PNPLA7: variants seen among roughly 807,000 people sequenced by gnomAD.
PNPLA7 encodes the protein patatin-like phospholipase domain-containing protein 7.
Under a neutral mutation model 161.7 loss-of-function variants are expected in PNPLA7, and 153 were observed. That is an observed-to-expected ratio of 0.95 (90% CI 0.83 to 1.08). The LOEUF (loss-of-function observed/expected upper bound fraction) is 1.08. PNPLA7 is among the 50% of genes least tolerant of loss of function. The pLI is 0.00. For synonymous variants in PNPLA7, 809 were observed against 782.1 expected (o/e 1.03, Z -0.57); for missense variants, 1,739 against 1,856.6 (o/e 0.94, Z 1.16).
intron 15 of PNPLA7, 132 bp from the exon 16 acceptor site, chr9:137,501,028 TGGA>T: frequency 1.4e-6 from 1 of 690,242 alleles, no homozygotes; most frequent in Non-Finnish European, 2.4e-6. Flanking sequence ...GCTCTGGGCA[TGGA>T]CTTCACTGGA....
intron 17 of PNPLA7, among the ~76,000 whole-genome samples, chr9:137,497,877 G>A (rs955486398): frequency 1.3e-5 from 2 of 152,260 alleles, no homozygotes; most frequent in African/African-American, 4.8e-5. Context: ...ATGACACGGA[G>A]AGATGCTCAT....
intron 8 of PNPLA7, among the ~76,000 whole-genome samples, chr9:137,525,925 C>T (rs1340322398): frequency 1.3e-5 from 2 of 149,208 alleles, no homozygotes; most frequent in African/African-American, 2.5e-5. Context: ...AGAAGGCTCA[C>T]ACTTGTCTTT....
At chr9:137,495,000 T>A in intron 19 of PNPLA7, 33 bp downstream of exon 19, 11 of 1,563,414 alleles carry the variant, frequency 7.0e-6, no homozygotes, top group Non-Finnish European at 9.6e-6. Context: ...CACACCCTCA[T>A]CCGCTCCGCA....
At chr9:137,501,839 G>T in intron 14 of PNPLA7, 112 bp from the exon 15 acceptor site, 1 of 1,092,064 alleles carries the variant, frequency 9.2e-7, no homozygotes, top group Non-Finnish European at 1.3e-6. Flanking sequence ...GCCAGAGGCC[G>T]GGCAAGGCCC....
At chr9:137,477,674 A>C (rs1048227349) in intron 25 of PNPLA7, among the ~76,000 whole-genome samples, 4 of 152,042 alleles carry the variant, frequency 2.6e-5, no homozygotes, top group African/African-American at 9.7e-5. Context: ...CAATCTCTTG[A>C]CCTCGTGATC....
intron 8 of PNPLA7, among the ~76,000 whole-genome samples, chr9:137,538,962 G>A (rs1289161643): frequency 6.6e-6 from 1 of 152,168 alleles, no homozygotes; most frequent in Non-Finnish European, 1.5e-5. Context: ...TGAGGCAGGA[G>A]AATTACTTGA....
chr9:137,518,150 C>G (rs572407076), intron 11 of PNPLA7, among the ~76,000 whole-genome samples: 1 of 107,536 alleles, frequency 9.3e-6, no homozygotes, highest in South Asian at 2.6e-4. Flanking sequence ...CTCCATCCCC[C>G]ACTCACGCAC....
In PNPLA7 at chr9:137,540,526, A is replaced by T; in HGVS notation, c.747+116T>A. 1.1e-6 allele frequency: 1 copy of T among 913,720 alleles called. No individual in the cohort carries two copies. 56.6% of individuals were successfully genotyped at this position (913,720 alleles called of 1,614,324 possible). On this transcript the variant is annotated intron_variant, in intron 8 of 34. Transcript: ENST00000406427. The surrounding 1 kb of genome is among the most constrained non-coding windows in gnomAD (Gnocchi z 5.1). Reference sequence around the variant, plus strand: ...TCCTGGACCAAACCCTGCTCCCCTCACATCACTGTGGAGAACTGGCCTTTA... The same window carrying T: ...TCCTGGACCAAACCCTGCTCCCCTCTCATCACTGTGGAGAACTGGCCTTTA...
In PNPLA7 at chr9:137,543,283, C is replaced by T. The variant is rs1232392663; in HGVS notation, c.506+149G>A. On this transcript the variant is annotated intron_variant, in intron 6 of 34. Coordinates refer to ENST00000406427, the MANE Select transcript of PNPLA7 (RefSeq NM_001098537.3). This position sits in a 1 kb window ranked among gnomAD's most constrained non-coding sequence, Gnocchi z 6.9. ...GAAGGAGCCAGCAGACCACGAGGCC[C>T]CGCCACGGGGCACAGACACCAGCAG... 1.4e-5 allele frequency: 14 copies of T among 1,002,274 alleles called. No homozygotes were observed. The highest frequency in any genetic ancestry group is 2.4e-5 in the Admixed American group (1 of 42,268). 62.1% of individuals were successfully genotyped at this position (1,002,274 alleles called of 1,614,324 possible). A position where few individuals can be genotyped will look rare whatever the true frequency, so the allele number is the denominator to read the frequency against.
At position 137,516,722 on chromosome 9, in the gene PNPLA7, G is replaced by A. The variant is rs75806404; in HGVS notation, c.1085-1203C>T. ...GGACCAAGCTACTCAGGAGGCTGAC[G>A]CAGGAGAATCCTTTCAGCCAGTGAC... is the stretch of plus-strand genomic sequence containing the variant. On this transcript the variant is annotated intron_variant, in intron 11 of 34. Transcript: ENST00000406427. The A allele has an allele frequency of 7.4e-5, 12 of 161,980 alleles. No homozygotes were observed. The East Asian group carries it at 1.3e-3, about 18-fold the overall frequency. The allele number at this position is 161,980 out of a possible 1,614,324, so 10.0% of individuals were successfully genotyped here. A position where few individuals can be genotyped will look rare whatever the true frequency, so the allele number is the denominator to read the frequency against.
rs146089848 is a variant in PNPLA7, at chr9:137,484,777, C to T, written c.2198-41G>A. The T allele has an allele frequency of 4.8e-4, 739 of 1,547,650 alleles. 10 individuals carry two copies. In the East Asian group the frequency reaches 0.014, roughly 30 times the overall value. On this transcript the variant is annotated intron_variant, in intron 20 of 34. Coordinates refer to ENST00000406427, the MANE Select transcript of PNPLA7 (RefSeq NM_001098537.3). Reference sequence around the variant, plus strand: ...CCCACGTCAGCTGGGACAGCCCACACGCTCACAGATGCCTCCAGATGCCCT... The same window carrying T: ...CCCACGTCAGCTGGGACAGCCCACATGCTCACAGATGCCTCCAGATGCCCT...
chr9:137,502,931 AG>A (rs551088989), intron 14 of PNPLA7, among the ~76,000 whole-genome samples: 7 of 151,784 alleles, frequency 4.6e-5, no homozygotes, highest in African/African-American at 1.5e-4. Flanking sequence ...ATTTGCTTCA[AG>A]GGGGGGCACC....
chr9:137,529,656 G>GTTTTTTTTT (rs542511786), intron 8 of PNPLA7, among the ~76,000 whole-genome samples: 4 of 119,134 alleles, frequency 3.4e-5, no homozygotes, highest in Non-Finnish European at 5.2e-5. Context: ...TTGAATCTTT[G>GTTTTTTTTT]TTTTTTTTTT....
At chr9:137,531,349 G>A (rs1835573118) in intron 8 of PNPLA7, among the ~76,000 whole-genome samples, 1 of 152,186 alleles carries the variant, frequency 6.6e-6, no homozygotes, top group African/African-American at 2.4e-5. Flanking sequence ...TGCTAAAAAT[G>A]GCTTTTGTGT....
Position 137,540,491 on chromosome 9 carries a change from C to T in PNPLA7, c.747+151G>A. 1.5e-6 allele frequency: 1 copy of T among 675,626 alleles called. No individual in the cohort carries two copies. Among genetic ancestry groups the T allele is most frequent in the Non-Finnish European group, 2.5e-6 (1 of 399,722 alleles). 41.9% of individuals were successfully genotyped at this position (675,626 alleles called of 1,614,324 possible). A position where few individuals can be genotyped will look rare whatever the true frequency, so the allele number is the denominator to read the frequency against. ...GCCAGAATGAAGCTCCCTCCTCTTT[C>T]TTCCCTCCTTCCTGGACCAAACCCT... On this transcript the variant is annotated intron_variant, in intron 8 of 34. Coordinates refer to ENST00000406427, the MANE Select transcript of PNPLA7 (RefSeq NM_001098537.3). This position sits in a 1 kb window ranked among gnomAD's most constrained non-coding sequence, Gnocchi z 5.1.
chr9:137,492,493 G>GGGGAGGGGCATGGGCGGGT (rs1261932073), intron 20 of PNPLA7, among the ~76,000 whole-genome samples: 1 of 143,374 alleles, frequency 7.0e-6, no homozygotes, highest in Non-Finnish European at 1.5e-5. Context: ...CTCCAGCACA[G>GGGGAGGGGCATGGGCGGGT]GGGAGGGGCA....
rs1045443530 is a variant in PNPLA7 at position 137,547,255 on chromosome 9, A to C, written c.193+54T>G. 7 of 1,542,292 alleles carry C rather than the reference A, an allele frequency of 4.5e-6. No individual in the cohort carries two copies. The highest frequency in any genetic ancestry group is 9.0e-7 in the Non-Finnish European group (1 of 1,116,332). ...CCAGGGGCTCAAAACACATCCCAAG[A>C]CACCCACGCTTTCCCCCAACCCCCC... On this transcript the variant is annotated intron_variant, in intron 3 of 34. Transcript: ENST00000406427. The surrounding 1 kb of genome is among the most constrained non-coding windows in gnomAD (Gnocchi z 4.6).
chr9:137,492,419 G>GA (rs998545896), intron 20 of PNPLA7: 2 of 197,386 alleles, frequency 1.0e-5, no homozygotes, highest in Non-Finnish European at 1.6e-5. Flanking sequence ...GATACAGTTT[G>GA]AAAAAAATTA....
At chr9:137,464,542 A>G (rs1831378020) in intron 26 of PNPLA7, 86 bp from the exon 27 acceptor site, 1 of 1,236,950 alleles carries the variant, frequency 8.1e-7, no homozygotes, top group Non-Finnish European at 1.2e-6. Flanking sequence ...AGGGCCTCTC[A>G]TGAATGGAAC....
Sources: gnomAD v4.1 joint callset for allele counts (sites outside exome capture counted in the v4.1 genomes callset) on GRCh38, gnomAD v4.1.1 for gene constraint, Gnocchi (gnomAD v3.1) non-coding constraint, MANE v1.5 for transcripts, NCBI Gene and HGNC (gene_info 2026-07-23, HGNC 2026-07-21) for gene names.